PIP4K2A: variants seen among roughly 807,000 people sequenced by gnomAD.
The protein encoded by PIP4K2A is phosphatidylinositol-5-phosphate 4-kinase type 2 alpha, also known as phosphatidylinositol 5-phosphate 4-kinase type-2 alpha.
Under a neutral mutation model 42.9 loss-of-function variants are expected in PIP4K2A, and 14 were observed. The observed-to-expected ratio is 0.33, with a 90% CI of 0.22 to 0.51. PIP4K2A has a LOEUF of 0.51. Among genes scored for constraint, PIP4K2A ranks in the 20% least tolerant of loss-of-function variants. PIP4K2A has a pLI of 0.97. For missense variants in PIP4K2A, 434 were observed against 519.8 expected, an observed-to-expected ratio of 0.83 and a Z score of 1.61; for synonymous variants, 192 against 192.2, an observed-to-expected ratio of 1.00 and a Z score of 0.01.
chr10:22,541,516 G>A (rs976447934), intron 8 of PIP4K2A, among the ~76,000 whole-genome samples: 1 of 152,224 alleles, frequency 6.6e-6, no homozygotes, highest in African/African-American at 2.4e-5. Flanking sequence ...TTGTATGCCA[G>A]TGTGTATGTG....
At chr10:22,650,004 C>A (rs1838959931) in intron 1 of PIP4K2A, among the ~76,000 whole-genome samples, 1 of 152,178 alleles carries the variant, frequency 6.6e-6, no homozygotes, top group African/African-American at 2.4e-5. Context: ...CCTCATTAGT[C>A]CATCAACTCC....
chr10:22,661,349 CTTTTT>C (rs374324575), intron 1 of PIP4K2A, among the ~76,000 whole-genome samples: 1 of 99,824 alleles, frequency 1.0e-5, no homozygotes, highest in Non-Finnish European at 2.0e-5. Context: ...ATGATGCTGC[CTTTTT>C]TTTTTTTTTT....
chr10:22,665,730 G>T (rs1020684130), intron 1 of PIP4K2A, among the ~76,000 whole-genome samples: 1 of 150,920 alleles, frequency 6.6e-6, no homozygotes, highest in Non-Finnish European at 1.5e-5. Context: ...TGGGATTACA[G>T]ATGTGAGACC....
rs1588606260 is a variant in PIP4K2A, at chr10:22,535,879, T to C, written c.*1322A>G. 9.9e-6 allele frequency: 3 copies of C among 301,788 alleles called. No individual in the cohort carries two copies. The allele number at this position is 301,788 out of a possible 1,614,324, so 18.7% of individuals were successfully genotyped here. A position where few individuals can be genotyped will look rare whatever the true frequency, so the allele number is the denominator to read the frequency against. On this transcript the variant is annotated 3_prime_UTR_variant, in exon 10 of 10. Transcript: ENST00000376573. ...AAATCAATCATTAGGTTGATAAATG[T>C]ACATTTGGAGGAAAAAAAAATCCTT...
At chr10:22,685,534 AAAAC>A (rs949543991) in intron 1 of PIP4K2A, among the ~76,000 whole-genome samples, 17 of 151,874 alleles carry the variant, frequency 1.1e-4, no homozygotes, top group South Asian at 2.1e-4. Flanking sequence ...TTTTCTATAA[AAAAC>A]AAACAAACAA....
intron 1 of PIP4K2A, among the ~76,000 whole-genome samples, chr10:22,663,079 C>T (rs571853266): frequency 2.0e-5 from 3 of 152,238 alleles, no homozygotes; most frequent in Non-Finnish European, 4.4e-5. Context: ...TCTGGTACAT[C>T]AGTCATTTGA....
At chr10:22,713,916 G>T (rs1185982271) in intron 1 of PIP4K2A, 5 of 287,992 alleles carry the variant, frequency 1.7e-5, no homozygotes, top group Non-Finnish European at 3.3e-5. Context: ...GGCGGCACTG[G>T]CACCCACCGT....
Position 22,583,404 on chromosome 10 carries a change from G to T in PIP4K2A, c.492+8225C>A, listed in dbSNP as rs187931963. ...CTGAGTAGCCTATGCCTGGGGCTGG[G>T]GGGGAGCTGATCATTTGGGCAGGTG... On this transcript the variant is annotated intron_variant, in intron 4 of 9. Coordinates refer to ENST00000376573, the MANE Select transcript of PIP4K2A (RefSeq NM_005028.5). 2.3e-3 allele frequency among the ~76,000 whole-genome samples: 351 copies of T among 152,318 alleles called. 1 individual carries two copies. The highest frequency in any genetic ancestry group is 7.8e-3 in the African/African-American group (324 of 41,574).
At chr10:22,537,887 C>T (rs571262920) in intron 9 of PIP4K2A, among the ~76,000 whole-genome samples, 8 of 152,174 alleles carry the variant, frequency 5.3e-5, no homozygotes, top group Non-Finnish European at 1.0e-4. Context: ...CCATCTTGCC[C>T]ACGGGGGAAG....
At chr10:22,664,228 T>TATACACAC (rs1554807358) in intron 1 of PIP4K2A, among the ~76,000 whole-genome samples, 26 of 89,850 alleles carry the variant, frequency 2.9e-4, no homozygotes, top group African/African-American at 1.4e-3. Context: ...CATATATATA[T>TATACACAC]ACACACACAC....
At chr10:22,615,072 A>G (rs975356905) in intron 1 of PIP4K2A, among the ~76,000 whole-genome samples, 1 of 152,210 alleles carries the variant, frequency 6.6e-6, no homozygotes, top group Non-Finnish European at 1.5e-5. Context: ...CTACCCTAAA[A>G]TTGATAACTA....
In PIP4K2A at chr10:22,539,958, T is replaced by C. The variant is rs1836062371; in HGVS notation, c.1140+13A>G. On this transcript the variant is annotated intron_variant, in intron 9 of 9. Transcript: ENST00000376573. The stretch of plus-strand genomic sequence containing the variant: ...GAGAGAAAGAGAGAAGGAAACAAAA[T>C]GGAGATACTCACGCCATGTTTAACA... 2 of 1,427,134 alleles carry C rather than the reference T, an allele frequency of 1.4e-6. No individual in the cohort carries two copies. Among genetic ancestry groups the C allele is most frequent in the East Asian group, 2.3e-5 (1 of 43,442 alleles). 88.4% of individuals were successfully genotyped at this position (1,427,134 alleles called of 1,614,324 possible).
chr10:22,579,344 C>T (rs888197763), intron 4 of PIP4K2A, among the ~76,000 whole-genome samples: 2 of 152,136 alleles, frequency 1.3e-5, no homozygotes, highest in African/African-American at 4.8e-5. Context: ...ATCAATCTGT[C>T]ACTGAATAAG....
chr10:22,620,178 G>C (rs1056695639), intron 1 of PIP4K2A, among the ~76,000 whole-genome samples: 1 of 152,134 alleles, frequency 6.6e-6, no homozygotes, highest in African/African-American at 2.4e-5. Flanking sequence ...AGACTCTTAC[G>C]GACATCCTTG....
intron 4 of PIP4K2A, among the ~76,000 whole-genome samples, chr10:22,585,729 C>A (rs557431321): frequency 2.6e-5 from 4 of 151,930 alleles, no homozygotes; most frequent in African/African-American, 9.7e-5. Flanking sequence ...GCCTCCTGAG[C>A]AGCTGGGACT....
rs1468453873 is a variant in PIP4K2A at position 22,535,815 on chromosome 10, C to T, written c.*1386G>A. On this transcript the variant is annotated 3_prime_UTR_variant, in exon 10 of 10. Coordinates refer to ENST00000376573, the MANE Select transcript of PIP4K2A (RefSeq NM_005028.5). ...AATCAGCACAGTTTAGGGCAATGAACTTTCATAAACCAGACTGGGGCGAAA... is the reference window on the plus strand; with the variant it reads ...AATCAGCACAGTTTAGGGCAATGAATTTTCATAAACCAGACTGGGGCGAAA... The T allele has an allele frequency of 3.5e-6, 1 of 289,458 alleles. No individual in the cohort carries two copies. Among genetic ancestry groups the T allele is most frequent in the Non-Finnish European group, 6.3e-6 (1 of 157,572 alleles). 17.9% of individuals were successfully genotyped at this position (289,458 alleles called of 1,614,324 possible).
At chr10:22,625,445 A>G (rs1334965809) in intron 1 of PIP4K2A, among the ~76,000 whole-genome samples, 1 of 152,202 alleles carries the variant, frequency 6.6e-6, no homozygotes, top group Non-Finnish European at 1.5e-5. Context: ...TGTATACATC[A>G]CAATACATGT....
chr10:22,698,037 G>A (rs541371284), intron 1 of PIP4K2A, among the ~76,000 whole-genome samples: 1 of 152,224 alleles, frequency 6.6e-6, no homozygotes, highest in African/African-American at 2.4e-5. Flanking sequence ...ACCTGCTTCT[G>A]GGATGCAGGC....
intron 3 of PIP4K2A, among the ~76,000 whole-genome samples, chr10:22,606,619 T>C (rs952400844): frequency 6.6e-6 from 1 of 152,208 alleles, no homozygotes; most frequent in East Asian, 1.9e-4. Context: ...CACAGATCTT[T>C]AGGAAAGTGT....
Sources: gnomAD v4.1 joint callset for allele counts (sites outside exome capture counted in the v4.1 genomes callset) on GRCh38, gnomAD v4.1.1 for gene constraint, MANE v1.5 for transcripts, NCBI Gene and HGNC (gene_info 2026-07-23, HGNC 2026-07-21) for gene names.